Variants in PAX6 observed in about 807,000 individuals in gnomAD.
PAX6 encodes the protein paired box 6.
A neutral mutation model predicts 60.7 loss-of-function variants in PAX6; 7 were observed. The ratio of observed to expected loss-of-function variants is 0.12; its 90% CI spans 0.07 to 0.22. PAX6 has a LOEUF of 0.22. PAX6 is among the 10% of genes least tolerant of loss of function. The probability of loss-of-function intolerance (pLI) is 1.00; values close to 1 mark genes in which losing one functional copy is unlikely to be tolerated. For synonymous variants in PAX6, 208 were observed against 201.2 expected (o/e 1.03, Z -0.29); for missense variants, 355 against 555.2 (o/e 0.64, Z 3.62).
At chr11:31,802,639 G>A (rs974089908) in intron 5 of PAX6, 65 bp downstream of exon 5, 3 of 1,554,960 alleles carry the variant, frequency 1.9e-6, no homozygotes, top group African/African-American at 2.7e-5. Context: ...AGTAAGAAAT[G>A]AAGAGAGGGC....
chr11:31,810,344 G>A (rs965790336), intron 2 of PAX6: 32 of 152,506 alleles, frequency 2.1e-4, no homozygotes, highest in African/African-American at 7.2e-4. Flanking sequence ...CTCCCTCGGC[G>A]AGTCCTCGGA....
chr11:31,794,970 C>T (rs924210280), intron 8 of PAX6, among the ~76,000 whole-genome samples, 182 bp from the exon 9 acceptor site: 1 of 152,194 alleles, frequency 6.6e-6, no homozygotes, highest in Non-Finnish European at 1.5e-5. Context: ...ACCTGACCAC[C>T]ATTTTCTTTG....
chr11:31,816,703 G>GT, intron 1 of PAX6: 2 of 534,362 alleles, frequency 3.7e-6, no homozygotes, highest in African/African-American at 6.6e-5. Flanking sequence ...TGAGCAGGGG[G>GT]CGCCACCGCT....
chr11:31,813,674 G>A (rs1192085318), upstream of PAX6, among the ~76,000 whole-genome samples: 1 of 152,058 alleles, frequency 6.6e-6, no homozygotes, highest in East Asian at 1.9e-4. Flanking sequence ...AGGGGGCTCC[G>A]GGAAAGACTC....
At chr11:31,809,646 A>G (rs1033172263) in intron 2 of PAX6, 2 of 152,230 alleles carry the variant, frequency 1.3e-5, no homozygotes, top group Non-Finnish European at 2.9e-5. Flanking sequence ...ATGAACTTTG[A>G]AAAGACACTT....
intron 8 of PAX6, among the ~76,000 whole-genome samples, chr11:31,800,228 C>G (rs914378350): frequency 6.6e-6 from 1 of 152,166 alleles, no homozygotes. Flanking sequence ...CCCTGCATCT[C>G]CCTGCTCACC....
rs1565204477 is a variant in PAX6 at position 31,794,419 on chromosome 11, ACCAC to A, written c.724+207_724+210del. The A allele has an allele frequency of 3.7e-5, 15 of 408,950 alleles. No individual in the cohort carries two copies. The South Asian group carries it at 4.1e-4, about 11-fold the overall frequency. The allele number at this position is 408,950 out of a possible 1,614,324, so 25.3% of individuals were successfully genotyped here. A position where few individuals can be genotyped will look rare whatever the true frequency, so the allele number is the denominator to read the frequency against. On this transcript the variant is annotated intron_variant, in intron 9 of 13. Transcript: ENST00000640368. ...GAAAAGAAGAAACACACACACACAC[ACCAC>A]ACACACACACACACACACACACACA...
At chr11:31,790,881 C>T (rs542458503) in intron 12 of PAX6, 21 bp from the exon 13 acceptor site, 2 of 1,612,438 alleles carry the variant, frequency 1.2e-6, no homozygotes, top group Admixed American at 3.3e-5. Context: ...AGAGGCAAAC[C>T]TGTGGTTACT....
In PAX6 at chr11:31,789,590, A is replaced by T; in HGVS notation, c.*344T>A. 1 of 607,020 alleles carries T rather than the reference A, an allele frequency of 1.6e-6. No individual in the cohort carries two copies. Among genetic ancestry groups the T allele is most frequent in the South Asian group, 2.0e-5 (1 of 49,112 alleles). 37.6% of individuals were successfully genotyped at this position (607,020 alleles called of 1,614,324 possible). A position where few individuals can be genotyped will look rare whatever the true frequency, so the allele number is the denominator to read the frequency against. On this transcript the variant is annotated 3_prime_UTR_variant, in exon 14 of 14. Coordinates refer to ENST00000640368, the MANE Select transcript of PAX6 (RefSeq NM_001368894.2). Reference sequence around the variant, plus strand: ...TGGTTTTCTTTTTAAAAAAAAAAAAAACAACTTCATGACCAACACAGATCA... The same window carrying T: ...TGGTTTTCTTTTTAAAAAAAAAAAATACAACTTCATGACCAACACAGATCA...
chr11:31,813,396 G>A (rs557488322), upstream of PAX6, among the ~76,000 whole-genome samples: 2 of 104,950 alleles, frequency 1.9e-5, no homozygotes, highest in East Asian at 3.4e-4. Context: ...GGGCGGGGGG[G>A]GGGGAAGTGA....
At chr11:31,801,118 G>A (rs1196913608) in intron 7 of PAX6, 8 of 845,782 alleles carry the variant, frequency 9.5e-6, no homozygotes, top group African/African-American at 3.4e-5. Context: ...TAACTCACAC[G>A]GTTGCTTTGC....
intron 8 of PAX6, among the ~76,000 whole-genome samples, chr11:31,799,707 C>A (rs1017187091): frequency 6.6e-6 from 1 of 152,138 alleles, no homozygotes; most frequent in African/African-American, 2.4e-5. Flanking sequence ...GGAGCCGGTC[C>A]GAGAGCTCAC....
intron 1 of PAX6, chr11:31,816,655 G>A (rs1957392682): frequency 1.4e-6 from 1 of 701,830 alleles, no homozygotes. Flanking sequence ...GCGTGCGGCC[G>A]GACTGCCACT....
intron 4 of PAX6, chr11:31,803,076 C>A (rs1565247887): frequency 3.6e-6 from 2 of 552,870 alleles, no homozygotes. Context: ...GACAACAGGA[C>A]CACCAGCCAT....
At chr11:31,800,386 T>G (rs147661870) in intron 8 of PAX6, 33 of 512,894 alleles carry the variant, frequency 6.4e-5, no homozygotes, top group African/African-American at 5.7e-4. Flanking sequence ...AATGTCAAAT[T>G]TGAATAGTGC....
intron 4 of PAX6, 24 bp from the exon 5 acceptor site, chr11:31,802,858 A>G: frequency 2.5e-6 from 4 of 1,611,842 alleles, no homozygotes; most frequent in Non-Finnish European, 3.4e-6. Context: ...GAGGAGAGGA[A>G]AGGGGAAAAG....
At chr11:31,813,872 C>T (rs1957248397), upstream of PAX6, among the ~76,000 whole-genome samples, 1 of 152,118 alleles carries the variant, frequency 6.6e-6, no homozygotes, top group Non-Finnish European at 1.5e-5. Flanking sequence ...GCTGTTCTAC[C>T]TCGTGGGGAG....
chr11:31,816,446 A>G, intron 1 of PAX6: 1 of 671,122 alleles, frequency 1.5e-6, no homozygotes, highest in South Asian at 1.6e-5. Context: ...TAATTATGTC[A>G]CCGCGTTTTC....
intron 12 of PAX6, chr11:31,792,926 A>C (rs965584663): frequency 3.1e-6 from 1 of 327,056 alleles, no homozygotes; most frequent in Admixed American, 4.6e-5. Flanking sequence ...TCATTATATT[A>C]TGTATATCTC....
Sources: gnomAD v4.1 joint callset for allele counts (sites outside exome capture counted in the v4.1 genomes callset) on GRCh38, gnomAD v4.1.1 for gene constraint, MANE v1.5 for transcripts, NCBI Gene and HGNC (gene_info 2026-07-23, HGNC 2026-07-21) for gene names.